Variants in CSMD3 observed in about 807,000 individuals in gnomAD.
CSMD3 encodes CUB and Sushi multiple domains 3.
Under a neutral mutation model 435.2 loss-of-function variants are expected in CSMD3, and 177 were observed. The observed-to-expected ratio is 0.41, with a 90% CI of 0.36 to 0.46. The LOEUF (loss-of-function observed/expected upper bound fraction) is 0.46, where lower values mean the gene tolerates loss of function less well. Ranked by LOEUF, CSMD3 falls within the 20% of genes least tolerant of loss-of-function variation. The pLI is 0.34. For synonymous variants in CSMD3, 1,656 were observed against 1,520.5 expected, an observed-to-expected ratio of 1.09 and a Z score of -2.07; for missense variants, 4,265 against 4,504.6, an observed-to-expected ratio of 0.95 and a Z score of 1.52.
intron 1 of CSMD3, among the ~76,000 whole-genome samples, chr8:113,340,313 A>G (rs2094109550): frequency 6.6e-6 from 1 of 152,114 alleles, no homozygotes; most frequent in Non-Finnish European, 1.5e-5. Flanking sequence ...ACTCCACATC[A>G]TCAGTTGATG....
chr8:112,295,560 T>C (rs1820177305), intron 54 of CSMD3, among the ~76,000 whole-genome samples: 1 of 151,708 alleles, frequency 6.6e-6, no homozygotes, highest in African/African-American at 2.4e-5. Flanking sequence ...GTGTCTTCCA[T>C]ATAAGAATAT....
intron 13 of CSMD3, among the ~76,000 whole-genome samples, chr8:112,778,850 A>G (rs2132232782): frequency 6.6e-6 from 1 of 152,084 alleles, no homozygotes; most frequent in South Asian, 2.1e-4. Flanking sequence ...ATTTGTTGCC[A>G]TCAGTGTCCT....
At chr8:112,636,726 T>C in intron 22 of CSMD3, 91 bp downstream of exon 22, 1 of 1,103,256 alleles carries the variant, frequency 9.1e-7, no homozygotes, top group Non-Finnish European at 1.4e-6. Context: ...ATGCAGAAAT[T>C]CAACAGATTA....
At chr8:113,071,015 C>T (rs1031321242) in intron 5 of CSMD3, among the ~76,000 whole-genome samples, 1 of 151,978 alleles carries the variant, frequency 6.6e-6, no homozygotes, top group African/African-American at 2.4e-5. Flanking sequence ...GCCATTCTAA[C>T]AGATGTGAGG....
chr8:112,493,732 GA>G (rs1164774678), intron 30 of CSMD3, among the ~76,000 whole-genome samples: 1 of 152,146 alleles, frequency 6.6e-6, no homozygotes, highest in East Asian at 1.9e-4. Flanking sequence ...TAGAGAAATG[GA>G]AAGATTAGCT....
intron 27 of CSMD3, among the ~76,000 whole-genome samples, chr8:112,532,973 G>A (rs1333746382): frequency 6.6e-6 from 1 of 152,066 alleles, no homozygotes; most frequent in Admixed American, 6.6e-5. Context: ...AAATCAAAAT[G>A]CAGGGCTTTA....
At chr8:113,286,627 A>G (rs1335951922) in intron 2 of CSMD3, among the ~76,000 whole-genome samples, 1 of 151,570 alleles carries the variant, frequency 6.6e-6, no homozygotes, top group Non-Finnish European at 1.5e-5. Context: ...AACTATGTTT[A>G]TTAGGTTTTA....
At chr8:112,911,221 C>T (rs1402451143) in intron 10 of CSMD3, among the ~76,000 whole-genome samples, 1 of 151,738 alleles carries the variant, frequency 6.6e-6, no homozygotes, top group East Asian at 2.0e-4. Context: ...AACCATATGA[C>T]ATCTTCCTTC....
intron 4 of CSMD3, among the ~76,000 whole-genome samples, chr8:113,140,766 G>A (rs1352638785): frequency 6.6e-6 from 1 of 150,816 alleles, no homozygotes; most frequent in East Asian, 1.9e-4. Context: ...AAGCACTAGA[G>A]AGAAAAACTT....
At chr8:112,524,834 T>G (rs963131851) in intron 27 of CSMD3, among the ~76,000 whole-genome samples, 6 of 152,040 alleles carry the variant, frequency 3.9e-5, no homozygotes, top group Admixed American at 3.9e-4. Flanking sequence ...TTTATATGAA[T>G]TATCTGAATA....
intron 66 of CSMD3, among the ~76,000 whole-genome samples, chr8:112,241,485 T>A (rs903381397): frequency 2.0e-5 from 3 of 152,076 alleles, no homozygotes; most frequent in Non-Finnish European, 4.4e-5. Flanking sequence ...CAGATACTCT[T>A]CAAGGGAAAT....
chr8:112,299,600 G>T (rs570562027), intron 53 of CSMD3, among the ~76,000 whole-genome samples: 1 of 152,100 alleles, frequency 6.6e-6, no homozygotes, highest in African/African-American at 2.4e-5. Context: ...TCCTTTAATT[G>T]AAAAATTCAT....
At chr8:112,998,988 T>C (rs2085760460) in intron 6 of CSMD3, among the ~76,000 whole-genome samples, 1 of 151,992 alleles carries the variant, frequency 6.6e-6, no homozygotes, top group Admixed American at 6.6e-5. Flanking sequence ...TCTTTATAAA[T>C]TACCCAATCT....
chr8:112,311,065 A>T lies in CSMD3; in HGVS notation c.7798T>A (p.Phe2600Ile), dbSNP rs753655405. The stretch of plus-strand genomic sequence containing the variant: ...GCACTGCTTTTTCCAACAAGTCGGA[A>T]TCCTCGATCACAGGCCCAACGGACC... ...SVVRWACDRG[F>I]RLVGKSSAVC... The change falls in exon 50 of 71, where the codon TTC (phenylalanine) becomes ATC (isoleucine). Residue 2600 changes from phenylalanine (F) to isoleucine (I), a missense_variant. By Grantham distance (21) the Phe-to-Ile change is conservative (BLOSUM62 0). Around this residue, in one of 3 missense-constraint regions of CSMD3, gnomAD observed 3,255 missense variants for 3,380.2 expected, o/e 0.96. Coordinates refer to ENST00000297405, the MANE Select transcript of CSMD3 (RefSeq NM_198123.2). 6.2e-7 allele frequency: 1 copy of T among 1,614,116 alleles called. No homozygotes were observed. The highest frequency in any genetic ancestry group is 1.1e-5 in the South Asian group (1 of 91,080).
chr8:112,498,525 C>A (rs1821604308), intron 30 of CSMD3, among the ~76,000 whole-genome samples: 3 of 152,052 alleles, frequency 2.0e-5, no homozygotes, highest in African/African-American at 7.2e-5. Flanking sequence ...CTAGAGAAAG[C>A]ATTATAAGGT....
At chr8:112,925,323 C>T (rs1193170421) in intron 9 of CSMD3, among the ~76,000 whole-genome samples, 3 of 151,820 alleles carry the variant, frequency 2.0e-5, no homozygotes, top group Admixed American at 6.6e-5. Context: ...CTCTGGGAGG[C>T]CAAGGAGGGA....
chr8:113,019,208 A>C, intron 5 of CSMD3, 29 bp from the exon 6 acceptor site: 1 of 1,473,898 alleles, frequency 6.8e-7, no homozygotes, highest in Non-Finnish European at 9.5e-7. Flanking sequence ...CAACAAAAAA[A>C]TTTAAAAAGC....
At chr8:112,516,940 G>T (rs1823727952) in intron 28 of CSMD3, 94 bp downstream of exon 28, 5 of 924,894 alleles carry the variant, frequency 5.4e-6, no homozygotes, top group South Asian at 2.8e-5. Flanking sequence ...CTCTCATATA[G>T]AATCTAGTCT....
At chr8:112,491,865 A>G (rs1820732113) in intron 31 of CSMD3, among the ~76,000 whole-genome samples, 1 of 152,130 alleles carries the variant, frequency 6.6e-6, no homozygotes, top group Admixed American at 6.5e-5. Flanking sequence ...TAATTTTTGT[A>G]CAATGCACTA....
Sources: gnomAD v4.1 joint callset for allele counts (sites outside exome capture counted in the v4.1 genomes callset) on GRCh38, gnomAD v4.1.1 for gene constraint, gnomAD v4.1.1 regional missense constraint, MANE v1.5 for transcripts, NCBI Gene and HGNC (gene_info 2026-07-23, HGNC 2026-07-21) for gene names.